MACF1: variants seen among roughly 807,000 people sequenced by gnomAD.
MACF1 encodes the protein microtubule-actin cross-linking factor 1.
In MACF1, 193 loss-of-function variants were observed where a neutral mutation model predicts 854.8. The observed-to-expected ratio is 0.23, with a 90% CI of 0.20 to 0.25. The LOEUF (loss-of-function observed/expected upper bound fraction) is 0.25. MACF1 is among the 10% of genes least tolerant of loss of function. The probability of loss-of-function intolerance (pLI) is 1.00; values close to 1 mark genes in which losing one functional copy is unlikely to be tolerated. For missense variants in MACF1, 7,722 were observed against 8,929.1 expected, an observed-to-expected ratio of 0.86 and a Z score of 5.45; for synonymous variants, 3,185 against 3,226.7, an observed-to-expected ratio of 0.99 and a Z score of 0.44.
intron 1 of MACF1, among the ~76,000 whole-genome samples, chr1:39,214,593 T>C (rs891545028): frequency 6.6e-6 from 1 of 152,234 alleles, no homozygotes; most frequent in Non-Finnish European, 1.5e-5. Flanking sequence ...TAAAATTTGC[T>C]GTGATAATCT....
At position 39,442,532 on chromosome 1, in the gene MACF1, C is replaced by G. The variant is rs2148666446; in HGVS notation, c.19069C>G (p.Pro6357Ala). 6.2e-7 allele frequency: 1 copy of G among 1,614,054 alleles called. No homozygotes were observed. The highest frequency in any genetic ancestry group is 1.1e-5 in the South Asian group (1 of 91,068). The change falls in exon 77 of 101, where the codon CCA becomes GCA. Residue 6357 changes from proline (P) to alanine (A), a missense_variant. Coordinates refer to ENST00000564288, the MANE Select transcript of MACF1 (RefSeq NM_001394062.1). ...TGCTCAGAGACCAATAAGTGGAGACCCAAAAGTCATTGAAGTTGAGCTCGC... is the reference window on the plus strand; with the variant it reads ...TGCTCAGAGACCAATAAGTGGAGACGCAAAAGTCATTGAAGTTGAGCTCGC... ...LDAQRPISGD[P>A]KVIEVELAKH...
chr1:39,346,874 TAC>T (rs1647061969), intron 40 of MACF1, 101 bp from the exon 41 acceptor site: 2 of 764,622 alleles, frequency 2.6e-6, no homozygotes, highest in Middle Eastern at 6.2e-4. Context: ...GTTATGAAAA[TAC>T]AGGAAATTAG....
At chr1:39,429,705 T>C (rs994728948) in intron 64 of MACF1, 122 bp from the exon 65 acceptor site, 1 of 985,716 alleles carries the variant, frequency 1.0e-6, no homozygotes, top group African/African-American at 1.6e-5. Context: ...ATAGGTGAAA[T>C]CATTACCACA....
In MACF1 at chr1:39,417,830, G is replaced by A. The variant is rs535535186; in HGVS notation, c.15817-4544G>A. Among the ~76,000 whole-genome samples the A allele has an allele frequency of 1.7e-3, 242 of 142,958 alleles. 1 individual carries two copies. The highest frequency in any genetic ancestry group is 2.6e-3 in the Non-Finnish European group (173 of 66,456). 93.8% of individuals were successfully genotyped at this position (142,958 alleles called of 152,430 possible). A position where few individuals can be genotyped will look rare whatever the true frequency, so the allele number is the denominator to read the frequency against. On this transcript the variant is annotated intron_variant, in intron 58 of 100. Transcript: ENST00000564288. ...TGACCTCAGGTGATCCGCCTGCCTCGGCGTCCCAAAGTGCTGGGATTACAG... is the reference window on the plus strand; with the variant it reads ...TGACCTCAGGTGATCCGCCTGCCTCAGCGTCCCAAAGTGCTGGGATTACAG...
Position 39,427,578 on chromosome 1 carries a change from G to C in MACF1, c.16440G>C (p.Gln5480His). ...KLANSEPVGT[Q>H]TAKIQQQIIR... ...CTAACTCAGAACCTGTTGGCACTCA[G>C]ACTGCCAAAATACAGCAGCAGATCA... Residue 5480 changes from glutamine (Q) to histidine (H), a missense_variant, in exon 62 of 101, where the codon CAG (glutamine) becomes CAC (histidine). This residue lies in a region of MACF1 where 2,807 missense variants were observed against 3,235.8 expected (regional missense o/e 0.87). Coordinates refer to ENST00000564288, the MANE Select transcript of MACF1 (RefSeq NM_001394062.1). 1 of 1,614,128 alleles carries C rather than the reference G, an allele frequency of 6.2e-7. No homozygotes were observed. The highest frequency in any genetic ancestry group is 8.5e-7 in the Non-Finnish European group (1 of 1,180,004).
In MACF1 at chr1:39,336,485, C is replaced by G. The variant is rs1250926229; in HGVS notation, c.9897C>G (p.Thr3299=). Residue 3299 remains threonine, a synonymous_variant, in exon 37 of 101, where the codon ACC becomes ACG. Transcript: ENST00000564288. The part of the protein sequence containing the change: ...NAIISPTVLE[T]SEEKTVSLTV... ...TCATTAGTCCTACTGTTCTAGAGAC[C>G]AGTGAAGAAAAGACAGTGTCCCTAA... 3.1e-6 allele frequency: 5 copies of G among 1,614,076 alleles called. No homozygotes were observed.
At chr1:39,450,521 A>C (rs113283648) in intron 84 of MACF1, among the ~76,000 whole-genome samples, 3 of 151,324 alleles carry the variant, frequency 2.0e-5, no homozygotes, top group Admixed American at 6.6e-5. Context: ...GGGTATCTCT[A>C]CCTGTCCCCT....
rs1404614254 is a variant in MACF1, at chr1:39,336,217, TTCA to T, written c.9636_9638del (p.His3212del). Reference sequence around the variant, plus strand: ...CTAGAATTCTCAGACAGAAAAGACCTTCATCATCAGGGCAGCAAAAGTGATGAT... The same window carrying T: ...CTAGAATTCTCAGACAGAAAAGACCTTCATCAGGGCAGCAAAAGTGATGAT... On this transcript the variant is annotated inframe_deletion, in exon 37 of 101. Coordinates refer to ENST00000564288, the MANE Select transcript of MACF1 (RefSeq NM_001394062.1). The T allele has an allele frequency of 5.6e-6, 9 of 1,613,928 alleles. No homozygotes were observed. In the Admixed American group the frequency reaches 1.5e-4, roughly 27 times the overall value.
At chr1:39,439,595 G>C in intron 72 of MACF1, 95 bp downstream of exon 72, 1 of 963,806 alleles carries the variant, frequency 1.0e-6, no homozygotes, top group Non-Finnish European at 1.6e-6. Flanking sequence ...GCTTAGCCAG[G>C]CTGAGTACCT....
chr1:39,210,710 A>T (rs1189215350), intron 1 of MACF1, among the ~76,000 whole-genome samples: 1 of 152,120 alleles, frequency 6.6e-6, no homozygotes, highest in Non-Finnish European at 1.5e-5. Flanking sequence ...ATTCTGATTC[A>T]GTTCGATCAT....
At chr1:39,451,351 A>C in intron 85 of MACF1, 140 bp downstream of exon 85, 1 of 893,062 alleles carries the variant, frequency 1.1e-6, no homozygotes. Flanking sequence ...TGTTTAAACA[A>C]ACTGTTGCTG....
intron 97 of MACF1, among the ~76,000 whole-genome samples, chr1:39,471,101 A>G (rs550138516): frequency 1.3e-5 from 2 of 152,020 alleles, no homozygotes; most frequent in South Asian, 4.2e-4. Flanking sequence ...CTCTCCTGGA[A>G]CTCAGTAATC....
At chr1:39,244,359 G>A (rs1481586946) in intron 2 of MACF1, among the ~76,000 whole-genome samples, 2 of 152,034 alleles carry the variant, frequency 1.3e-5, no homozygotes, top group Non-Finnish European at 2.9e-5. Context: ...TCGGTTCACT[G>A]CAACTTCTGC....
At chr1:39,268,608 C>T in intron 6 of MACF1, 1 of 1,190,222 alleles carries the variant, frequency 8.4e-7, no homozygotes. Flanking sequence ...TTTAAATGTG[C>T]ATCGAATCCG....
intron 2 of MACF1, among the ~76,000 whole-genome samples, chr1:39,190,359 T>TTC (rs1187581539): frequency 6.7e-6 from 1 of 148,510 alleles, no homozygotes; most frequent in Non-Finnish European, 1.5e-5. Flanking sequence ...CTTTCTTTCT[T>TTC]TCTCTTCTTT....
chr1:39,434,179 T>A (rs1643923245), intron 68 of MACF1, among the ~76,000 whole-genome samples: 1 of 152,152 alleles, frequency 6.6e-6, no homozygotes, highest in Non-Finnish European at 1.5e-5. Context: ...TACTGCTTTT[T>A]AAACTTTTAT....
chr1:39,257,137 C>T (rs1645106048), intron 5 of MACF1, among the ~76,000 whole-genome samples: 1 of 152,092 alleles, frequency 6.6e-6, no homozygotes, highest in African/African-American at 2.4e-5. Flanking sequence ...TCATAATTGC[C>T]AAAATCTAGA....
chr1:39,084,558 A>G lies in MACF1; in HGVS notation c.220+120A>G. On this transcript the variant is annotated intron_variant, in intron 2 of 93. Transcript: ENST00000361689. This position sits in a 1 kb window ranked among gnomAD's most constrained non-coding sequence, Gnocchi z 5.2. Reference sequence around the variant, plus strand: ...CAGGGCCTCTGACAAAGCAGCCATCATCTGATTTGTTATTATTATTCTTGG... The same window carrying G: ...CAGGGCCTCTGACAAAGCAGCCATCGTCTGATTTGTTATTATTATTCTTGG... 1 of 774,482 alleles carries G rather than the reference A, an allele frequency of 1.3e-6. No homozygotes were observed. Among genetic ancestry groups the G allele is most frequent in the Non-Finnish European group, 2.0e-6 (1 of 488,766 alleles). The allele number at this position is 774,482 out of a possible 1,614,324, so 48.0% of individuals were successfully genotyped here.
At chr1:39,109,854 G>A (rs1282923522) in intron 2 of MACF1, among the ~76,000 whole-genome samples, 5 of 152,060 alleles carry the variant, frequency 3.3e-5, no homozygotes, top group Admixed American at 1.3e-4. Context: ...TTGTGAAAAT[G>A]CTTTAATTGT....
Sources: allele counts gnomAD v4.1 joint callset (sites outside exome capture counted in the v4.1 genomes callset), GRCh38; gene constraint gnomAD v4.1.1; regional missense constraint gnomAD v4.1.1; non-coding constraint Gnocchi (gnomAD v3.1); transcripts MANE v1.5; gene names NCBI Gene and HGNC (gene_info 2026-07-23, HGNC 2026-07-21).